ZNF407: variants seen among roughly 807,000 people sequenced by gnomAD.
The protein encoded by ZNF407 is zinc finger protein 407.
ZNF407 carries 17 observed loss-of-function variants against 131.2 expected under a neutral mutation model. That is an observed-to-expected ratio of 0.13 (90% CI 0.09 to 0.19). ZNF407 has a LOEUF of 0.19. ZNF407 is among the 10% of genes least tolerant of loss of function. The pLI, the probability that ZNF407 is intolerant of heterozygous loss-of-function variation, is 1.00. For synonymous variants in ZNF407, 1,156 were observed against 1,062.0 expected (o/e 1.09, Z -1.72); for missense variants, 2,681 against 2,830.6 (o/e 0.95, Z 1.20).
chr18:74,983,957 G>A (rs1223091102), intron 8 of ZNF407, among the ~76,000 whole-genome samples: 2 of 152,192 alleles, frequency 1.3e-5, no homozygotes, highest in African/African-American at 4.8e-5. Context: ...TGATCTTCTT[G>A]TATAGATGTT....
At chr18:74,763,079 C>G (rs1229933643) in intron 3 of ZNF407, among the ~76,000 whole-genome samples, 1 of 151,862 alleles carries the variant, frequency 6.6e-6, no homozygotes, top group Non-Finnish European at 1.5e-5. Context: ...ACGTAAACTT[C>G]CCAAAGCTTG....
chr18:74,632,329 A>G lies in ZNF407; in HGVS notation c.1310A>G (p.Lys437Arg). 6.2e-7 allele frequency: 1 copy of G among 1,614,024 alleles called. No individual in the cohort carries two copies. The highest frequency in any genetic ancestry group is 8.5e-7 in the Non-Finnish European group (1 of 1,179,894). The stretch of plus-strand genomic sequence containing the variant: ...CGACGAAGCAGCACTTTCACCTTGA[A>G]GGGCCAGGCAAAGAAAAGGTTTAAT... ...FRRRSSTFTL[K>R]GQAKKRFNLL... The change falls in exon 2 of 9, where the codon AAG becomes AGG. Residue 437 changes from lysine (K) to arginine (R), a missense_variant. Transcript: ENST00000299687.
chr18:74,921,042 A>AT, intron 8 of ZNF407: 1 of 970,782 alleles, frequency 1.0e-6, no homozygotes, highest in Non-Finnish European at 1.2e-6. Flanking sequence ...TTCTTAAAAA[A>AT]TGCTTGTGAT....
intron 3 of ZNF407, among the ~76,000 whole-genome samples, chr18:74,714,228 A>G (rs1028756643): frequency 6.6e-6 from 1 of 152,256 alleles, no homozygotes; most frequent in Non-Finnish European, 1.5e-5. Flanking sequence ...TGTAATTGCA[A>G]AAATTAACTT....
chr18:74,875,168 A>T (rs528699612), intron 4 of ZNF407, among the ~76,000 whole-genome samples: 17 of 152,208 alleles, frequency 1.1e-4, no homozygotes, highest in Non-Finnish European at 2.4e-4. Context: ...CTTTATAAGG[A>T]CAGTTTACAT....
intron 3 of ZNF407, among the ~76,000 whole-genome samples, chr18:74,759,686 G>T (rs1028584137): frequency 1.3e-5 from 2 of 151,094 alleles, no homozygotes; most frequent in Non-Finnish European, 3.0e-5. Flanking sequence ...TTACTTTTCA[G>T]CTCCAGAATT....
intron 3 of ZNF407, among the ~76,000 whole-genome samples, chr18:74,769,396 C>CTTTTTTTTTTTTTTTTTTTTTTTT (rs1568207282): frequency 6.6e-6 from 1 of 151,246 alleles, no homozygotes; most frequent in African/African-American, 2.5e-5. Flanking sequence ...GCAAAGGGTT[C>CTTTTTTTTTTTTTTTTTTTTTTTT]TTTACAGAGC....
chr18:74,869,445 C>G (rs535550881), intron 4 of ZNF407, among the ~76,000 whole-genome samples: 2 of 152,328 alleles, frequency 1.3e-5, no homozygotes, highest in East Asian at 3.9e-4. Context: ...CAGCCTCTGA[C>G]TGGAATGGGT....
At chr18:75,046,695 A>G (rs1051238140) in intron 8 of ZNF407, among the ~76,000 whole-genome samples, 4 of 151,738 alleles carry the variant, frequency 2.6e-5, no homozygotes, top group Non-Finnish European at 5.9e-5. Flanking sequence ...TGTGCAGAGA[A>G]TCTGTGAGAA....
rs369652796 is a variant in ZNF407, at chr18:74,631,369, T to C, written c.350T>C (p.Leu117Pro). Residue 117 changes from leucine (L) to proline (P), a missense_variant, in exon 2 of 9, where the codon CTG (leucine) becomes CCG (proline). Physicochemically the swap from Leu to Pro is moderately conservative, Grantham distance 98. Around this residue, in one of 6 missense-constraint regions of ZNF407, gnomAD observed 1,789 missense variants for 1,748.7 expected, o/e 1.02. Coordinates refer to ENST00000299687, the MANE Select transcript of ZNF407 (RefSeq NM_017757.3). ...ALDETGKETFLSDCTVGGTCL... is the reference protein window; with the variant it reads ...ALDETGKETFPSDCTVGGTCL... ...GATGAAACAGGGAAGGAGACCTTTC[T>C]GAGTGACTGCACAGTTGGAGGCACA... The C allele has an allele frequency of 6.2e-7, 1 of 1,613,914 alleles. No individual in the cohort carries two copies. The highest frequency in any genetic ancestry group is 1.3e-5 in the African/African-American group (1 of 74,932).
intron 4 of ZNF407, among the ~76,000 whole-genome samples, chr18:74,828,655 C>T (rs979649856): frequency 2.1e-5 from 3 of 141,190 alleles, no homozygotes; most frequent in African/African-American, 7.4e-5. Context: ...TCTGCTGATT[C>T]TACGCTGTTC....
chr18:74,834,164 G>T (rs918337222), intron 4 of ZNF407, among the ~76,000 whole-genome samples: 1 of 152,136 alleles, frequency 6.6e-6, no homozygotes, highest in East Asian at 1.9e-4. Context: ...CTTATGTGGC[G>T]CAGATGAATG....
intron 8 of ZNF407, among the ~76,000 whole-genome samples, chr18:75,033,484 G>A (rs2097433262): frequency 1.3e-5 from 2 of 152,180 alleles, no homozygotes; most frequent in African/African-American, 4.8e-5. Flanking sequence ...ACAATAGACA[G>A]AGTGGTAACC....
chr18:74,716,303 G>C (rs775776678), intron 3 of ZNF407, among the ~76,000 whole-genome samples: 4 of 152,112 alleles, frequency 2.6e-5, no homozygotes, highest in Non-Finnish European at 5.9e-5. Context: ...TTTTTAGGTG[G>C]TTTATGTTTT....
chr18:74,676,672 G>A (rs1009146146), intron 3 of ZNF407, among the ~76,000 whole-genome samples: 4 of 151,770 alleles, frequency 2.6e-5, no homozygotes, highest in Non-Finnish European at 4.4e-5. Flanking sequence ...CTGACCTCGT[G>A]ATCTGCCCGC....
rs750044540 is a variant in ZNF407 at position 74,634,313 on chromosome 18, A to G, written c.3294A>G (p.Glu1098=). The G allele has an allele frequency of 9.3e-6, 15 of 1,613,900 alleles. No individual in the cohort carries two copies. The highest frequency in any genetic ancestry group is 4.5e-5 in the East Asian group (2 of 44,906). Residue 1098 remains glutamate (E), a synonymous_variant, in exon 2 of 9, where the codon GAA becomes GAG. Transcript: ENST00000299687. ...ADMSKNIIMP[E]EEHQQNSEEF... ...TGTCCAAAAACATCATTATGCCTGA[A>G]GAAGAGCATCAACAAAATTCTGAGG...
intron 3 of ZNF407, among the ~76,000 whole-genome samples, chr18:74,727,625 T>C (rs987379170): frequency 6.6e-6 from 1 of 152,184 alleles, no homozygotes; most frequent in African/African-American, 2.4e-5. Flanking sequence ...TTTTCGTTAC[T>C]TTTCAACTTT....
At chr18:74,611,745 T>C (rs1983067408) in intron 1 of ZNF407, among the ~76,000 whole-genome samples, 1 of 152,212 alleles carries the variant, frequency 6.6e-6, no homozygotes, top group African/African-American at 2.4e-5. Flanking sequence ...CAGTGGTTTC[T>C]GAATTGTTTC....
intron 3 of ZNF407, among the ~76,000 whole-genome samples, chr18:74,696,563 C>A (rs1428404870): frequency 6.6e-6 from 1 of 152,156 alleles, no homozygotes; most frequent in Non-Finnish European, 1.5e-5. Context: ...TAAGATGCCT[C>A]CACGGAACTT....
Sources: gnomAD v4.1 joint callset for allele counts (sites outside exome capture counted in the v4.1 genomes callset) on GRCh38, gnomAD v4.1.1 for gene constraint, gnomAD v4.1.1 regional missense constraint, MANE v1.5 for transcripts, NCBI Gene and HGNC (gene_info 2026-07-23, HGNC 2026-07-21) for gene names.